POLN: variants seen among roughly 807,000 people sequenced by gnomAD.
POLN encodes the protein DNA polymerase N.
POLN carries 108 observed loss-of-function variants against 113.5 expected under a neutral mutation model. The ratio of observed to expected loss-of-function variants is 0.95; its 90% CI spans 0.81 to 1.12. The LOEUF (loss-of-function observed/expected upper bound fraction) is 1.12. Ranked by LOEUF, POLN falls within the 50% of genes most tolerant of loss-of-function variation. The pLI is 0.00. For synonymous variants in POLN, 386 were observed against 391.5 expected, an observed-to-expected ratio of 0.99 and a Z score of 0.17; for missense variants, 1,097 against 1,077.1, an observed-to-expected ratio of 1.02 and a Z score of -0.26.
chr4:2,240,659 A>G, intron 2 of POLN: 1 of 1,613,886 alleles, frequency 6.2e-7, no homozygotes, highest in Non-Finnish European at 8.5e-7. Flanking sequence ...CCAGCTCTTT[A>G]TCATCCAGTC....
intron 16 of POLN, among the ~76,000 whole-genome samples, chr4:2,154,200 A>G: frequency 3.5e-5 from 1 of 28,354 alleles, no homozygotes; most frequent in Non-Finnish European, 1.7e-4. Context: ...CATCTCAACA[A>G]AAAAAAAAAA....
chr4:2,194,807 GA>G (rs111406270), intron 6 of POLN, among the ~76,000 whole-genome samples: 50 of 152,218 alleles, frequency 3.3e-4, no homozygotes, highest in African/African-American at 1.2e-3. Flanking sequence ...TGAGGAGGGA[GA>G]ATCACTTGAG....
intron 16 of POLN, among the ~76,000 whole-genome samples, chr4:2,148,243 C>A (rs1397513843): frequency 2.0e-5 from 3 of 151,782 alleles, no homozygotes; most frequent in African/African-American, 7.3e-5. Context: ...AGAAGAAAAT[C>A]CAAGGAAAAG....
chr4:2,168,329 GC>G (rs1372642734), intron 13 of POLN, among the ~76,000 whole-genome samples: 1 of 152,330 alleles, frequency 6.6e-6, no homozygotes, highest in East Asian at 1.9e-4. Context: ...GCTCACCAAG[GC>G]CTCCAGGAAG....
intron 6 of POLN, among the ~76,000 whole-genome samples, 192 bp from the exon 7 acceptor site, chr4:2,193,508 G>A (rs926486734): frequency 5.3e-5 from 8 of 152,078 alleles, no homozygotes; most frequent in African/African-American, 1.7e-4. Flanking sequence ...ACAGAGAGAC[G>A]AGATAAGGTA....
At chr4:2,200,715 C>A (rs1733689417) in intron 5 of POLN, among the ~76,000 whole-genome samples, 1 of 152,154 alleles carries the variant, frequency 6.6e-6, no homozygotes, top group Admixed American at 6.6e-5. Context: ...ATCTGAACAA[C>A]AGCCTTGAGT....
intron 23 of POLN, 132 bp downstream of exon 23, chr4:2,080,826 C>T (rs1730393605): frequency 6.4e-7 from 1 of 1,556,870 alleles, no homozygotes; most frequent in Non-Finnish European, 8.7e-7. Context: ...CTTCCATGGG[C>T]TGAGAGCCTC....
At chr4:2,098,518 G>A (rs1033997712) in intron 19 of POLN, among the ~76,000 whole-genome samples, 3 of 152,200 alleles carry the variant, frequency 2.0e-5, no homozygotes, top group African/African-American at 7.2e-5. Flanking sequence ...GGTAAGTTTA[G>A]ATTGATGCCA....
intron 4 of POLN, among the ~76,000 whole-genome samples, chr4:2,209,493 A>C (rs1457497680): frequency 6.6e-6 from 1 of 151,680 alleles, no homozygotes; most frequent in Non-Finnish European, 1.5e-5. Flanking sequence ...AAAAAAAAAA[A>C]AAAAAAAATT....
At chr4:2,156,342 C>A in intron 16 of POLN, 1 of 425,692 alleles carries the variant, frequency 2.3e-6, no homozygotes, top group Non-Finnish European at 4.6e-6. Flanking sequence ...AAGTGTGATG[C>A]AAGCTGCATC....
chr4:2,176,067 C>G (rs1007253858), intron 9 of POLN, among the ~76,000 whole-genome samples, 199 bp downstream of exon 9: 5 of 152,238 alleles, frequency 3.3e-5, no homozygotes, highest in Non-Finnish European at 5.9e-5. Flanking sequence ...CAATTGTTTT[C>G]AACCTACAGA....
intron 19 of POLN, among the ~76,000 whole-genome samples, chr4:2,097,218 A>T (rs759261953): frequency 6.6e-6 from 1 of 152,204 alleles, no homozygotes; most frequent in Non-Finnish European, 1.5e-5. Context: ...GGTGAGAATA[A>T]ATACCCACTT....
At chr4:2,219,479 C>G (rs1734200344) in intron 3 of POLN, among the ~76,000 whole-genome samples, 1 of 152,120 alleles carries the variant, frequency 6.6e-6, no homozygotes, top group African/African-American at 2.4e-5. Flanking sequence ...CTGTATCTAC[C>G]CTGCTTCTGA....
chr4:2,161,348 A>G (rs1732583502), intron 13 of POLN, among the ~76,000 whole-genome samples: 1 of 152,182 alleles, frequency 6.6e-6, no homozygotes. Context: ...TGGGCTTGGC[A>G]GGCCCTGCAC....
At chr4:2,211,191 G>A (rs1207304412) in intron 4 of POLN, among the ~76,000 whole-genome samples, 1 of 148,842 alleles carries the variant, frequency 6.7e-6, no homozygotes, top group East Asian at 2.0e-4. Context: ...GGAGGTTGCA[G>A]TGAGCCGAGA....
chr4:2,115,228 A>ATATTT (rs72052264), intron 19 of POLN, among the ~76,000 whole-genome samples: 48 of 129,994 alleles, frequency 3.7e-4, no homozygotes, highest in African/African-American at 1.2e-3. Context: ...ATATATATAT[A>ATATTT]TTTTTTTTTT....
At chr4:2,175,311 T>C (rs985839944) in intron 9 of POLN, among the ~76,000 whole-genome samples, 2 of 152,102 alleles carry the variant, frequency 1.3e-5, no homozygotes, top group Non-Finnish European at 2.9e-5. Context: ...AGTCAAACAT[T>C]GGAAGTGGAA....
Position 2,154,201 on chromosome 4 carries a change from A to C in POLN, c.1731+2587T>G, listed in dbSNP as rs535483852. Reference sequence around the variant, plus strand: ...CGACAGCGAGACTCCATCTCAACAAAAAAAAAAAAAAAAAAAAAAAAAAGA... The same window carrying C: ...CGACAGCGAGACTCCATCTCAACAACAAAAAAAAAAAAAAAAAAAAAAAGA... On this transcript the variant is annotated intron_variant, in intron 16 of 25. Transcript: ENST00000511885. Among the ~76,000 whole-genome samples, 460 of 144,626 alleles carry C rather than the reference A, an allele frequency of 3.2e-3. 1 individual carries two copies. Among genetic ancestry groups the C allele is most frequent in the East Asian group, 0.028 (138 of 4,898 alleles). 94.9% of individuals were successfully genotyped at this position (144,626 alleles called of 152,430 possible).
At chr4:2,185,203 C>A in intron 7 of POLN, among the ~76,000 whole-genome samples, 1 of 152,180 alleles carries the variant, frequency 6.6e-6, no homozygotes, top group East Asian at 1.9e-4. Context: ...CAAACGTATA[C>A]AACACTTATG....
Sources: allele counts gnomAD v4.1 joint callset (sites outside exome capture counted in the v4.1 genomes callset), GRCh38; gene constraint gnomAD v4.1.1; transcripts MANE v1.5; gene names NCBI Gene and HGNC (gene_info 2026-07-23, HGNC 2026-07-21).